SORCS1: variants seen among roughly 807,000 people sequenced by gnomAD.
SORCS1 encodes sortilin related VPS10 domain containing receptor 1.
SORCS1 carries 60 observed loss-of-function variants against 146.1 expected under a neutral mutation model. The ratio of observed to expected loss-of-function variants is 0.41; its 90% CI spans 0.33 to 0.51. SORCS1 has a LOEUF of 0.51. Ranked by LOEUF, SORCS1 falls within the 20% of genes least tolerant of loss-of-function variation. The pLI is 0.21. For missense variants in SORCS1, 1,352 were observed against 1,487.6 expected (o/e 0.91, Z 1.50); for synonymous variants, 637 against 584.0 (o/e 1.09, Z -1.31).
At chr10:106,863,892 A>G (rs1323871917) in intron 2 of SORCS1, among the ~76,000 whole-genome samples, 1 of 151,812 alleles carries the variant, frequency 6.6e-6, no homozygotes, top group Non-Finnish European at 1.5e-5. Context: ...CCTTCCCTGG[A>G]TTCTTGAATG....
intron 3 of SORCS1, among the ~76,000 whole-genome samples, chr10:106,795,653 G>A (rs982898491): frequency 5.3e-5 from 8 of 152,144 alleles, no homozygotes; most frequent in Admixed American, 2.0e-4. Context: ...ATGGGTGTTC[G>A]TGTGATCTTT....
At chr10:106,710,600 A>C (rs575640275) in intron 6 of SORCS1, among the ~76,000 whole-genome samples, 1 of 152,238 alleles carries the variant, frequency 6.6e-6, no homozygotes, top group African/African-American at 2.4e-5. Flanking sequence ...CTGGAAATAC[A>C]TTTTATCAGG....
At position 106,944,739 on chromosome 10, in the gene SORCS1, C is replaced by T. The variant is rs530621888; in HGVS notation, c.626+11774G>A. 1.3e-3 allele frequency among the ~76,000 whole-genome samples: 193 copies of T among 151,924 alleles called. 1 individual carries two copies. Among genetic ancestry groups the T allele is most frequent in the African/African-American group, 4.3e-3 (180 of 41,422 alleles). On this transcript the variant is annotated intron_variant, in intron 2 of 25. Coordinates refer to ENST00000263054, the MANE Select transcript of SORCS1 (RefSeq NM_052918.5). Reference sequence around the variant, plus strand: ...AAAATAAGACAGACAAGGTCTCTGCCCTCAGCGAGTTTATATTTTAATGGT... The same window carrying T: ...AAAATAAGACAGACAAGGTCTCTGCTCTCAGCGAGTTTATATTTTAATGGT...
chr10:107,064,261 G>C (rs960103809), intron 1 of SORCS1, among the ~76,000 whole-genome samples: 3 of 152,010 alleles, frequency 2.0e-5, no homozygotes, highest in Non-Finnish European at 4.4e-5. Context: ...GATCTGGAAG[G>C]GACATTAGAA....
intron 1 of SORCS1, among the ~76,000 whole-genome samples, chr10:106,980,031 C>G (rs1490762115): frequency 1.3e-5 from 2 of 152,118 alleles, no homozygotes; most frequent in Non-Finnish European, 2.9e-5. Context: ...ATAAATTGCC[C>G]AAGTCCACAT....
intron 1 of SORCS1, among the ~76,000 whole-genome samples, chr10:107,120,147 C>T (rs1449220241): frequency 6.6e-6 from 1 of 152,058 alleles, no homozygotes; most frequent in Non-Finnish European, 1.5e-5. Context: ...TTTACCTTTG[C>T]AAGTGAATAT....
At chr10:106,701,377 C>T (rs1854127652) in intron 8 of SORCS1, among the ~76,000 whole-genome samples, 1 of 152,132 alleles carries the variant, frequency 6.6e-6, no homozygotes, top group Non-Finnish European at 1.5e-5. Flanking sequence ...TATTCCATTT[C>T]TCTGGCAACA....
At chr10:107,079,060 C>G (rs1314799280) in intron 1 of SORCS1, among the ~76,000 whole-genome samples, 2 of 152,078 alleles carry the variant, frequency 1.3e-5, no homozygotes, top group East Asian at 3.9e-4. Flanking sequence ...CACGTCTCTA[C>G]TAAAAATACA....
intron 1 of SORCS1, among the ~76,000 whole-genome samples, chr10:107,002,716 C>G (rs1332545197): frequency 6.6e-6 from 1 of 152,064 alleles, no homozygotes; most frequent in African/African-American, 2.4e-5. Flanking sequence ...TATGTGTCCA[C>G]CAAGAGGCAA....
chr10:106,657,122 A>G (rs941672169), intron 17 of SORCS1, among the ~76,000 whole-genome samples: 3 of 152,200 alleles, frequency 2.0e-5, no homozygotes, highest in African/African-American at 7.2e-5. Flanking sequence ...CAAAAGGAAA[A>G]GAAGTCATTA....
intron 3 of SORCS1, among the ~76,000 whole-genome samples, chr10:106,809,905 A>T (rs1947374620): frequency 6.6e-6 from 1 of 152,164 alleles, no homozygotes; most frequent in African/African-American, 2.4e-5. Flanking sequence ...GATTAATAGC[A>T]TCTTTTTGTG....
At chr10:106,832,925 T>TA (rs1268175957) in intron 2 of SORCS1, among the ~76,000 whole-genome samples, 11 of 152,096 alleles carry the variant, frequency 7.2e-5, no homozygotes, top group Non-Finnish European at 1.0e-4. Flanking sequence ...TTTTCACATT[T>TA]AAAAAACAAG....
At chr10:106,691,248 C>T (rs1589671754) in intron 9 of SORCS1, among the ~76,000 whole-genome samples, 1 of 152,222 alleles carries the variant, frequency 6.6e-6, no homozygotes, top group Admixed American at 6.5e-5. Context: ...CCATGTCTTC[C>T]CATAGACACA....
At chr10:106,719,425 T>C (rs1855622997) in intron 6 of SORCS1, among the ~76,000 whole-genome samples, 1 of 151,768 alleles carries the variant, frequency 6.6e-6, no homozygotes, top group Admixed American at 6.6e-5. Flanking sequence ...TTTCTTTTTT[T>C]TTTTTTTTGA....
At chr10:107,059,694 C>T (rs1054724390) in intron 1 of SORCS1, among the ~76,000 whole-genome samples, 1 of 151,986 alleles carries the variant, frequency 6.6e-6, no homozygotes, top group African/African-American at 2.4e-5. Context: ...TGACTATGAG[C>T]TTTATTATGA....
At chr10:106,941,567 C>T (rs1954043593) in intron 2 of SORCS1, among the ~76,000 whole-genome samples, 1 of 152,182 alleles carries the variant, frequency 6.6e-6, no homozygotes, top group Non-Finnish European at 1.5e-5. Context: ...GTGGCTAGAA[C>T]ACACAATACC....
At chr10:107,069,942 AC>A (rs1006985476) in intron 1 of SORCS1, among the ~76,000 whole-genome samples, 1 of 152,136 alleles carries the variant, frequency 6.6e-6, no homozygotes, top group Non-Finnish European at 1.5e-5. Context: ...CATTTTCATC[AC>A]CCCAAAAGAA....
intron 10 of SORCS1, among the ~76,000 whole-genome samples, chr10:106,682,335 CT>C (rs1437655998): frequency 6.6e-6 from 1 of 152,066 alleles, no homozygotes; most frequent in Non-Finnish European, 1.5e-5. Context: ...TTTTGGTGTA[CT>C]TTTTTCTCCA....
chr10:106,967,109 C>T (rs193188202), intron 1 of SORCS1, among the ~76,000 whole-genome samples: 2 of 74,108 alleles, frequency 2.7e-5, no homozygotes, highest in East Asian at 7.1e-4. Flanking sequence ...AGATGCTATC[C>T]ACTCAAAAAA....
Sources: gnomAD v4.1 joint callset for allele counts (sites outside exome capture counted in the v4.1 genomes callset) on GRCh38, gnomAD v4.1.1 for gene constraint, MANE v1.5 for transcripts, NCBI Gene and HGNC (gene_info 2026-07-23, HGNC 2026-07-21) for gene names.